Variants in DLGAP2 observed in about 807,000 individuals in gnomAD.
DLGAP2 encodes DLG associated protein 2, also known as disks large-associated protein 2.
In DLGAP2, 26 loss-of-function variants were observed where a neutral mutation model predicts 100.3. That is an observed-to-expected ratio of 0.26 (90% confidence interval 0.19 to 0.36). DLGAP2 has a LOEUF of 0.36. Ranked by LOEUF, DLGAP2 falls within the 10% of genes least tolerant of loss-of-function variation. The pLI, the probability that DLGAP2 is intolerant of heterozygous loss-of-function variation, is 1.00. For synonymous variants in DLGAP2, 886 were observed against 630.1 expected, an observed-to-expected ratio of 1.41 and a Z score of -6.08; for missense variants, 1,858 against 1,453.2, an observed-to-expected ratio of 1.28 and a Z score of -4.53.
chr8:1,009,867 G>T (rs1467333086), intron 2 of DLGAP2, among the ~76,000 whole-genome samples: 2 of 152,188 alleles, frequency 1.3e-5, no homozygotes, highest in African/African-American at 4.8e-5. Context: ...CCATTTATCT[G>T]TTGGAAATAC....
intron 6 of DLGAP2, among the ~76,000 whole-genome samples, chr8:1,574,028 A>G (rs1037881031): frequency 6.6e-6 from 1 of 152,132 alleles, no homozygotes. Flanking sequence ...CTCCCTGCAG[A>G]CTCACATTTG....
chr8:891,085 G>C (rs575993021), intron 1 of DLGAP2, among the ~76,000 whole-genome samples: 1 of 152,124 alleles, frequency 6.6e-6, no homozygotes, highest in Non-Finnish European at 1.5e-5. Flanking sequence ...CCTCCCTTGG[G>C]GGGTGCTTTT....
intron 2 of DLGAP2, among the ~76,000 whole-genome samples, chr8:1,042,726 T>C (rs1802389550): frequency 6.9e-6 from 1 of 145,150 alleles, no homozygotes; most frequent in Admixed American, 6.9e-5. Flanking sequence ...GGGTGGTGGA[T>C]GTGAGTGGTG....
intron 3 of DLGAP2, among the ~76,000 whole-genome samples, chr8:1,486,973 C>G (rs1034163625): frequency 6.6e-6 from 1 of 152,102 alleles, no homozygotes; most frequent in South Asian, 2.1e-4. Context: ...TATTGGGGCC[C>G]GCCAAGCTGC....
chr8:1,319,436 G>A (rs774408578), intron 3 of DLGAP2, among the ~76,000 whole-genome samples: 1 of 152,210 alleles, frequency 6.6e-6, no homozygotes, highest in Non-Finnish European at 1.5e-5. Flanking sequence ...CACTCACTCA[G>A]CCATCCTCTG....
At chr8:1,226,442 G>A (rs1341516661) in intron 2 of DLGAP2, among the ~76,000 whole-genome samples, 2 of 152,084 alleles carry the variant, frequency 1.3e-5, no homozygotes, top group Non-Finnish European at 2.9e-5. Flanking sequence ...GACACAGGAG[G>A]GAGGAGAACA....
At chr8:816,532 G>C (rs1051030013) in intron 1 of DLGAP2, among the ~76,000 whole-genome samples, 1 of 152,120 alleles carries the variant, frequency 6.6e-6, no homozygotes, top group Admixed American at 6.6e-5. Flanking sequence ...TTTTGTTTAA[G>C]GAGGCTAAAA....
intron 12 of DLGAP2, among the ~76,000 whole-genome samples, chr8:1,683,467 T>G (rs1490365579): frequency 6.6e-6 from 1 of 151,442 alleles, no homozygotes; most frequent in South Asian, 2.1e-4. Context: ...GGCCGGGGCA[T>G]TCCCCATACC....
chr8:904,688 C>G (rs1798338476), intron 1 of DLGAP2, among the ~76,000 whole-genome samples: 1 of 152,194 alleles, frequency 6.6e-6, no homozygotes, highest in Non-Finnish European at 1.5e-5. Flanking sequence ...CATGTCAGTG[C>G]TCGCAGCTGG....
In DLGAP2 at chr8:1,549,649, C is replaced by G. The variant is rs1237993793; in HGVS notation, c.1196C>G (p.Ala399Gly). The G allele has an allele frequency of 1.9e-6, 3 of 1,571,490 alleles. No homozygotes were observed. Among genetic ancestry groups the G allele is most frequent in the Admixed American group, 1.8e-5 (1 of 54,054 alleles). Residue 399 changes from alanine to glycine, a missense_variant, in exon 5 of 15, where the codon GCC becomes GGC. By Grantham distance (60) the Ala-to-Gly change is moderately conservative. Coordinates refer to ENST00000637795, the MANE Select transcript of DLGAP2 (RefSeq NM_001346810.2). The stretch of plus-strand genomic sequence containing the variant: ...GACAAGCCGCTGCTGCACCAGGACG[C>G]CAAGCCCGCCCTGAGGCCGTGCCAC... ...NLDKPLLHQD[A>G]KPALRPCHYL...
intron 5 of DLGAP2, among the ~76,000 whole-genome samples, chr8:1,558,187 T>C (rs1162767126): frequency 6.6e-6 from 1 of 152,204 alleles, no homozygotes; most frequent in Non-Finnish European, 1.5e-5. Context: ...CTGGTGTCCA[T>C]GAGCCCGTGG....
chr8:933,236 G>T lies in DLGAP2; in HGVS notation c.73+25270G>T, dbSNP rs977965777. Among the ~76,000 whole-genome samples, 4 of 152,356 alleles carry T rather than the reference G, an allele frequency of 2.6e-5. No homozygotes were observed. In the East Asian group the frequency reaches 5.8e-4, roughly 22 times the overall value. On this transcript the variant is annotated intron_variant, in intron 2 of 14. Coordinates refer to ENST00000637795, the MANE Select transcript of DLGAP2 (RefSeq NM_001346810.2). The stretch of plus-strand genomic sequence containing the variant: ...TCTTTGCCACATCTGCTGCTTCCTT[G>T]ACCCCTGATCATTCTGTGGGTTAGG...
intron 2 of DLGAP2, among the ~76,000 whole-genome samples, chr8:1,168,333 A>T (rs146507345): frequency 0.55 from 83,818 of 151,314 alleles, 23,960 homozygotes; most frequent in Admixed American, 0.64. Flanking sequence ...ATAGTGCCGC[A>T]ATAAACATAC....
chr8:1,456,228 A>G (rs1464873656), intron 3 of DLGAP2, among the ~76,000 whole-genome samples: 2 of 152,134 alleles, frequency 1.3e-5, no homozygotes, highest in East Asian at 3.9e-4. Context: ...CTCTCTGCCA[A>G]ACACCGAGTG....
At chr8:1,514,962 C>A (rs1563195452) in intron 4 of DLGAP2, among the ~76,000 whole-genome samples, 2 of 152,062 alleles carry the variant, frequency 1.3e-5, no homozygotes, top group African/African-American at 2.4e-5. Context: ...GGGAGACCGA[C>A]GTGCAGGGAC....
rs1796786948 is a variant in DLGAP2 at position 1,156,379 on chromosome 8, T to C, written c.74-102472T>C. Among the ~76,000 whole-genome samples the C allele has an allele frequency of 2.0e-5, 3 of 152,134 alleles. No homozygotes were observed. The South Asian group carries it at 6.2e-4, about 31-fold the overall frequency. On this transcript the variant is annotated intron_variant, in intron 2 of 14. Coordinates refer to ENST00000637795, the MANE Select transcript of DLGAP2 (RefSeq NM_001346810.2). ...GTTGGGGAGGCGGCGGTGGCCTCAC[T>C]CTGGACGCCCCTGGGTCTGGCCGTG...
chr8:965,156 C>G (rs1292239589), intron 2 of DLGAP2, among the ~76,000 whole-genome samples: 1 of 147,460 alleles, frequency 6.8e-6, no homozygotes, highest in Non-Finnish European at 1.5e-5. Flanking sequence ...TCACAGGGCT[C>G]CTGAGTCTGA....
At chr8:1,464,299 T>TACCCTTCCA (rs1798552560) in intron 3 of DLGAP2, among the ~76,000 whole-genome samples, 1 of 25,632 alleles carries the variant, frequency 3.9e-5, no homozygotes, top group Non-Finnish European at 6.8e-5. Flanking sequence ...CCTTCCAGGA[T>TACCCTTCCA]GGCACCCTTC....
At chr8:1,460,005 A>G (rs1200633699) in intron 3 of DLGAP2, among the ~76,000 whole-genome samples, 1 of 152,196 alleles carries the variant, frequency 6.6e-6, no homozygotes, top group Non-Finnish European at 1.5e-5. Flanking sequence ...TAATGGAATG[A>G]AGTCAGTAAA....
Sources: allele counts gnomAD v4.1 joint callset (sites outside exome capture counted in the v4.1 genomes callset), GRCh38; gene constraint gnomAD v4.1.1; transcripts MANE v1.5; gene names NCBI Gene and HGNC (gene_info 2026-07-23, HGNC 2026-07-21).